Variants in CCDC7 observed in about 807,000 individuals in gnomAD.
CCDC7 encodes coiled-coil domain containing 7, also known as coiled-coil domain-containing protein 7.
In CCDC7, 183 loss-of-function variants were observed where a neutral mutation model predicts 196.9. That is an observed-to-expected ratio of 0.93 (90% confidence interval 0.82 to 1.05). CCDC7 has a LOEUF of 1.05. Among genes scored for constraint, CCDC7 ranks in the 50% least tolerant of loss-of-function variants. The pLI is 0.00. For missense variants in CCDC7, 1,540 were observed against 1,482.2 expected (o/e 1.04, Z -0.64); for synonymous variants, 525 against 484.6 (o/e 1.08, Z -1.10).
chr10:32,473,927 C>T, intron 7 of CCDC7, 40 bp from the exon 9 acceptor site: 1 of 1,555,022 alleles, frequency 6.4e-7, no homozygotes, highest in Non-Finnish European at 8.7e-7. Context: ...TATATAATTG[C>T]CGTTTGAAGT....
At position 32,643,164 on chromosome 10, in the gene CCDC7, GTCT is replaced by G. The variant is rs2067145694; in HGVS notation, c.2014+8011_2014+8013del. On this transcript the variant is annotated intron_variant, in intron 20 of 41. Transcript: ENST00000639629. The stretch of plus-strand genomic sequence containing the variant: ...TTTATCTATTTCTTCTTGTAGTTTT[GTCT>G]TCTTTTTAAATGCTGCTTATGTTAT... Among the ~76,000 whole-genome samples the G allele has an allele frequency of 2.0e-5, 3 of 152,038 alleles. No homozygotes were observed. The South Asian group carries it at 6.2e-4, about 32-fold the overall frequency.
intron 29 of CCDC7, among the ~76,000 whole-genome samples, chr10:32,782,289 G>A (rs186562422): frequency 2.6e-5 from 4 of 151,272 alleles, no homozygotes; most frequent in East Asian, 1.9e-4. Context: ...GTGCAGTGGC[G>A]CAATCTCAGC....
chr10:32,771,079 A>G (rs1271012710), intron 28 of CCDC7, among the ~76,000 whole-genome samples: 3 of 152,198 alleles, frequency 2.0e-5, no homozygotes, highest in Non-Finnish European at 4.4e-5. Context: ...TTTACATTCA[A>G]TGTTAATATT....
At chr10:32,761,407 T>C (rs1040743175) in intron 28 of CCDC7, among the ~76,000 whole-genome samples, 2 of 151,974 alleles carry the variant, frequency 1.3e-5, no homozygotes, top group Non-Finnish European at 2.9e-5. Context: ...AATCAAATAC[T>C]TAAAAATAGC....
At chr10:32,572,684 G>C (rs2057716945) in intron 16 of CCDC7, among the ~76,000 whole-genome samples, 2 of 151,896 alleles carry the variant, frequency 1.3e-5, no homozygotes, top group South Asian at 4.2e-4. Flanking sequence ...TGGTCCACTT[G>C]TTGCTTTGCA....
At chr10:32,842,171 G>T (rs534020739) in intron 33 of CCDC7, among the ~76,000 whole-genome samples, 1 of 152,044 alleles carries the variant, frequency 6.6e-6, no homozygotes, top group African/African-American at 2.4e-5. Flanking sequence ...ACAACCCTCA[G>T]AGTGGCAGAA....
chr10:32,512,500 A>G lies in CCDC7; in HGVS notation c.873-5445A>G, dbSNP rs544991267. ...GAATTTCAGTGATTAGCTAGGGCAT[A>G]GGCAAGGCAAAGGCATCCATGTGGT... On this transcript the variant is annotated intron_variant, in intron 9 of 41. Transcript: ENST00000639629. 4 of 152,358 alleles carry G rather than the reference A, an allele frequency of 2.6e-5. No individual in the cohort carries two copies. The South Asian group carries it at 8.3e-4, about 32-fold the overall frequency. The allele number at this position is 152,358 out of a possible 1,614,324, so 9.4% of individuals were successfully genotyped here.
intron 39 of CCDC7, among the ~76,000 whole-genome samples, chr10:32,849,924 A>T (rs995799303): frequency 6.6e-6 from 1 of 151,782 alleles, no homozygotes; most frequent in Non-Finnish European, 1.5e-5. Context: ...TGCAGGGGGG[A>T]ACTTGGATCC....
At chr10:32,467,102 T>C (rs987036030) in intron 5 of CCDC7, among the ~76,000 whole-genome samples, 1 of 148,600 alleles carries the variant, frequency 6.7e-6, no homozygotes, top group Non-Finnish European at 1.5e-5. Context: ...ATGTCCTTTG[T>C]CCACTTTTTT....
intron 13 of CCDC7, among the ~76,000 whole-genome samples, chr10:32,546,053 A>C (rs2052409712): frequency 2.0e-5 from 3 of 152,178 alleles, no homozygotes; most frequent in Non-Finnish European, 4.4e-5. Flanking sequence ...TGAATTCTAC[A>C]AGCAGGCAAA....
intron 31 of CCDC7, among the ~76,000 whole-genome samples, chr10:32,823,590 T>C (rs1186562540): frequency 6.6e-6 from 1 of 152,226 alleles, no homozygotes; most frequent in Non-Finnish European, 1.5e-5. Context: ...TTCCACTCTG[T>C]CGTTCAGGAT....
chr10:32,861,321 A>C (rs1489456328), intron 41 of CCDC7, among the ~76,000 whole-genome samples: 1 of 152,128 alleles, frequency 6.6e-6, no homozygotes, highest in Admixed American at 6.6e-5. Flanking sequence ...AGCAATGGGG[A>C]AAGGATTCCC....
rs772875271 is a variant in CCDC7, at chr10:32,847,847, C to A, written c.3703C>A (p.Pro1235Thr). Residue 1235 changes from proline (P) to threonine (T), a missense_variant, in exon 38 of 42, where the codon CCC (proline) becomes ACC (threonine). Transcript: ENST00000639629. ...TATGTCTATAGAGACTGATGTAGAA[C>A]CCTTGACAAATGCCATTGGTTCAAG... 5 of 1,609,448 alleles carry A rather than the reference C, an allele frequency of 3.1e-6. No homozygotes were observed. In the Admixed American group the frequency reaches 6.7e-5, roughly 22 times the overall value.
intron 15 of CCDC7, among the ~76,000 whole-genome samples, chr10:32,568,786 C>G (rs1219648678): frequency 6.6e-6 from 1 of 152,156 alleles, no homozygotes; most frequent in Non-Finnish European, 1.5e-5. Context: ...ATTAGCACCT[C>G]CATTCTGAGA....
chr10:32,503,685 G>C (rs931638809), intron 9 of CCDC7, among the ~76,000 whole-genome samples: 1 of 152,154 alleles, frequency 6.6e-6, no homozygotes, highest in Non-Finnish European at 1.5e-5. Flanking sequence ...TTTTTGAAGA[G>C]TTTGAGAAGG....
chr10:32,752,926 T>G (rs1235427503), intron 28 of CCDC7, among the ~76,000 whole-genome samples: 2 of 152,266 alleles, frequency 1.3e-5, no homozygotes, highest in Middle Eastern at 3.4e-3. Context: ...CAACTTGTAT[T>G]TAGTCCACTG....
At chr10:32,621,462 G>T (rs1263061783) in intron 18 of CCDC7, among the ~76,000 whole-genome samples, 1 of 152,184 alleles carries the variant, frequency 6.6e-6, no homozygotes, top group Non-Finnish European at 1.5e-5. Flanking sequence ...GGATCTGTCT[G>T]TCTGTCTGTC....
chr10:32,703,424 A>C (rs2992672), intron 24 of CCDC7, among the ~76,000 whole-genome samples: 140,395 of 152,028 alleles, frequency 0.92, 65,815 homozygotes, highest in East Asian at 1. Context: ...GTAACGCGAC[A>C]TTTCTTTCTG....
chr10:32,552,394 A>G (rs1035056131), intron 13 of CCDC7, among the ~76,000 whole-genome samples: 1 of 152,204 alleles, frequency 6.6e-6, no homozygotes, highest in Non-Finnish European at 1.5e-5. Context: ...GTCCAATGTT[A>G]GTAATGAAAT....
Sources: gnomAD v4.1 joint callset for allele counts (sites outside exome capture counted in the v4.1 genomes callset) on GRCh38, gnomAD v4.1.1 for gene constraint, MANE v1.5 for transcripts, NCBI Gene and HGNC (gene_info 2026-07-23, HGNC 2026-07-21) for gene names.